KLF5: variants seen among roughly 807,000 people sequenced by gnomAD.
KLF5 encodes the protein Krueppel-like factor 5.
Under a neutral mutation model 36.9 loss-of-function variants are expected in KLF5, and 9 were observed. The observed-to-expected ratio is 0.24, with a 90% CI of 0.15 to 0.43. The LOEUF (loss-of-function observed/expected upper bound fraction) is 0.43, where lower values mean the gene tolerates loss of function less well. Among genes scored for constraint, KLF5 ranks in the 20% least tolerant of loss-of-function variants. KLF5 has a pLI of 1.00. For synonymous variants in KLF5, 246 were observed against 241.7 expected (o/e 1.02, Z -0.17); for missense variants, 524 against 599.5 (o/e 0.87, Z 1.31).
In KLF5 at chr13:73,075,818, G is replaced by C; in HGVS notation, c.1306G>C (p.Gly436Arg). The C allele has an allele frequency of 6.2e-7, 1 of 1,612,578 alleles. No homozygotes were observed. Among genetic ancestry groups the C allele is most frequent in the South Asian group, 1.1e-5 (1 of 91,050 alleles). The stretch of plus-strand genomic sequence containing the variant: ...CACAGGCGCCAAGCCCTTCCAGTGC[G>C]GGGTGTGCAACCGCAGCTTCTCGCG... ...KHTGAKPFQC[G>R]VCNRSFSRSD... Residue 436 changes from glycine (G) to arginine (R), a missense_variant, in exon 4 of 4, where the codon GGG becomes CGG. Gly to Arg is a moderately radical substitution (Grantham distance 125, BLOSUM62 -2). Transcript: ENST00000377687.
Position 73,059,295 on chromosome 13 carries a change from G to A in KLF5, c.-33G>A, listed in dbSNP as rs1446589751. 21 of 1,337,182 alleles carry A rather than the reference G, an allele frequency of 1.6e-5. No homozygotes were observed. The highest frequency in any genetic ancestry group is 1.4e-4 in the African/African-American group (9 of 65,296). The allele number at this position is 1,337,182 out of a possible 1,614,324, so 82.8% of individuals were successfully genotyped here. The stretch of plus-strand genomic sequence containing the variant: ...CGTGGGCGAGGTGGGAAGTGCGCCC[G>A]ACCCGCGCCTGGAGCTGCGCCCCCG... On this transcript the variant is annotated 5_prime_UTR_variant, in exon 1 of 4. Coordinates refer to ENST00000377687, the MANE Select transcript of KLF5 (RefSeq NM_001730.5).
At position 73,063,809 on chromosome 13, in the gene KLF5, TCTC is replaced by T. The variant is rs765489438; in HGVS notation, c.1136-12_1136-10del. 1 of 1,574,024 alleles carries T rather than the reference TCTC, an allele frequency of 6.4e-7. No homozygotes were observed. The highest frequency in any genetic ancestry group is 1.1e-5 in the South Asian group (1 of 89,838). On this transcript the variant is annotated splice_polypyrimidine_tract_variant and intron_variant, in intron 2 of 3. Coordinates refer to ENST00000377687, the MANE Select transcript of KLF5 (RefSeq NM_001730.5). Reference sequence around the variant, plus strand: ...AAGGATCTCCAAAATGACATGCTGTTCTCCTTTATTTTAGGTTGCACAAAAGTT... The same window carrying T: ...AAGGATCTCCAAAATGACATGCTGTTCTTTATTTTAGGTTGCACAAAAGTT...
intron 3 of KLF5, among the ~76,000 whole-genome samples, chr13:73,064,234 A>G (rs1200067793): frequency 6.6e-6 from 1 of 152,208 alleles, no homozygotes; most frequent in Non-Finnish European, 1.5e-5. Context: ...TTCCATAGCA[A>G]ATAATTTTGC....
chr13:73,057,482 C>T (rs1401863962), upstream of KLF5, among the ~76,000 whole-genome samples: 5 of 151,994 alleles, frequency 3.3e-5, no homozygotes, highest in Non-Finnish European at 7.4e-5. Flanking sequence ...TCTCTGAAGG[C>T]AGTGATCACA....
rs55829551 is a variant in KLF5, at chr13:73,065,035, C to G, written c.1195+1152C>G. Reference sequence around the variant, plus strand: ...ATAAAGTGATTGTGTTTTTTTCCCTCAATAAATACAGCCTTACCTAAAGTT... The same window carrying G: ...ATAAAGTGATTGTGTTTTTTTCCCTGAATAAATACAGCCTTACCTAAAGTT... On this transcript the variant is annotated intron_variant, in intron 3 of 3. Coordinates refer to ENST00000377687, the MANE Select transcript of KLF5 (RefSeq NM_001730.5). Among the ~76,000 whole-genome samples the G allele has an allele frequency of 3.9e-3, 587 of 152,174 alleles. 4 individuals carry two copies. The highest frequency in any genetic ancestry group is 0.013 in the African/African-American group (556 of 41,528).
At chr13:73,055,706 A>C (rs1566561369), upstream of KLF5, among the ~76,000 whole-genome samples, 2 of 152,210 alleles carry the variant, frequency 1.3e-5, no homozygotes, top group Admixed American at 6.5e-5. Context: ...ACTACCAAAA[A>C]GTCACTTTAA....
chr13:73,072,660 T>C (rs1476439363), intron 3 of KLF5, among the ~76,000 whole-genome samples: 2 of 152,222 alleles, frequency 1.3e-5, no homozygotes, highest in African/African-American at 4.8e-5. Flanking sequence ...CTTCTAACTC[T>C]ACGGGGTTAT....
intron 1 of KLF5, chr13:73,059,960 C>T (rs2044620472): frequency 4.5e-6 from 1 of 222,260 alleles, no homozygotes; most frequent in Admixed American, 6.5e-5. Flanking sequence ...GTACCGCTCT[C>T]CAATGCCAAG....
chr13:73,057,680 CT>C (rs894984953), upstream of KLF5, among the ~76,000 whole-genome samples: 2 of 152,020 alleles, frequency 1.3e-5, no homozygotes, highest in African/African-American at 4.8e-5. Flanking sequence ...TTATCCAAGA[CT>C]TTTTTTTAAA....
rs2044613211 is a variant in KLF5 at position 73,059,493 on chromosome 13, C to T, written c.166C>T (p.His56Tyr). The T allele has an allele frequency of 8.1e-7, 1 of 1,234,274 alleles. No individual in the cohort carries two copies. The highest frequency in any genetic ancestry group is 3.5e-5 in the South Asian group (1 of 28,284). The allele number at this position is 1,234,274 out of a possible 1,614,324, so 76.5% of individuals were successfully genotyped here. Residue 56 changes from histidine (H) to tyrosine (Y), a missense_variant, in exon 1 of 4, where the codon CAC becomes TAC. Coordinates refer to ENST00000377687, the MANE Select transcript of KLF5 (RefSeq NM_001730.5). ...CGGCGAGGAGCTGAAGCACGCGCACCACCGCCCGCAGGCGCAGCCCGCGCC... is the reference window on the plus strand; with the variant it reads ...CGGCGAGGAGCTGAAGCACGCGCACTACCGCCCGCAGGCGCAGCCCGCGCC... ...FPGEELKHAH[H>Y]RPQAQPAPAQ...
Position 73,059,507 on chromosome 13 carries a change from G to GCAGCCCGCGCCCGCGCAGGCC in KLF5, c.182_202dup (p.Gln61_Ala67dup), listed in dbSNP as rs2044613506. Reference sequence around the variant, plus strand: ...AGCACGCGCACCACCGCCCGCAGGCGCAGCCCGCGCCCGCGCAGGCCCCGC... The same window carrying GCAGCCCGCGCCCGCGCAGGCC: ...AGCACGCGCACCACCGCCCGCAGGCGCAGCCCGCGCCCGCGCAGGCCCAGCCCGCGCCCGCGCAGGCCCCGC... On this transcript the variant is annotated inframe_insertion, in exon 1 of 4. Transcript: ENST00000377687. 6 of 1,215,006 alleles carry GCAGCCCGCGCCCGCGCAGGCC rather than the reference G, an allele frequency of 4.9e-6. No homozygotes were observed. The highest frequency in any genetic ancestry group is 5.1e-6 in the Non-Finnish European group (5 of 980,154). The allele number at this position is 1,215,006 out of a possible 1,614,324, so 75.3% of individuals were successfully genotyped here.
rs924682610 is a variant in KLF5, at chr13:73,059,025, C to T, written c.-303C>T. ...TCAGTAGTCGCGGGGCAGGTACGTG[C>T]GCTCGCGGTTCTCTCGCGGAGGTCG... On this transcript the variant is annotated 5_prime_UTR_variant, in exon 1 of 4. Coordinates refer to ENST00000377687, the MANE Select transcript of KLF5 (RefSeq NM_001730.5). 5.6e-5 allele frequency: 15 copies of T among 268,456 alleles called. No individual in the cohort carries two copies. The highest frequency in any genetic ancestry group is 7.7e-5 in the Non-Finnish European group (11 of 142,306). The allele number at this position is 268,456 out of a possible 1,614,324, so 16.6% of individuals were successfully genotyped here. A position where few individuals can be genotyped will look rare whatever the true frequency, so the allele number is the denominator to read the frequency against.
At chr13:73,067,855 T>C (rs528672741) in intron 3 of KLF5, among the ~76,000 whole-genome samples, 3 of 152,084 alleles carry the variant, frequency 2.0e-5, no homozygotes, top group Admixed American at 2.0e-4. Flanking sequence ...TTTTTTTTTT[T>C]TTTGAGATGA....
intron 3 of KLF5, among the ~76,000 whole-genome samples, chr13:73,065,525 G>T (rs1009659592): frequency 1.3e-5 from 2 of 152,264 alleles, no homozygotes; most frequent in Admixed American, 1.3e-4. Flanking sequence ...TTACATAAGA[G>T]GAAGGATCCT....
In KLF5 at chr13:73,062,092, C is replaced by T. The variant is rs771293956; in HGVS notation, c.493C>T (p.Pro165Ser). 1.2e-6 allele frequency: 2 copies of T among 1,614,172 alleles called. No homozygotes were observed. The highest frequency in any genetic ancestry group is 2.2e-5 in the East Asian group (1 of 44,884). Residue 165 changes from proline (P) to serine (S), a missense_variant, in exon 2 of 4, where the codon CCT becomes TCT. Pro to Ser is a moderately conservative substitution (Grantham distance 74). Around this residue, in one of 4 missense-constraint regions of KLF5, gnomAD observed 454 missense variants for 458.1 expected, o/e 0.99. Transcript: ENST00000377687. Reference sequence around the variant, plus strand: ...GTGCGTAACACACATCAAGACAGAACCTGTTGCCATTTTCAGCCACCAGAG... The same window carrying T: ...GTGCGTAACACACATCAAGACAGAATCTGTTGCCATTTTCAGCCACCAGAG... The part of the protein sequence containing the change: ...RPCVTHIKTE[P>S]VAIFSHQSET...
At position 73,059,548 on chromosome 13, in the gene KLF5, C is replaced by T; in HGVS notation, c.221C>T (p.Pro74Leu). 8.5e-7 allele frequency: 1 copy of T among 1,173,772 alleles called. No homozygotes were observed. Among genetic ancestry groups the T allele is most frequent in the Non-Finnish European group, 1.0e-6 (1 of 954,664 alleles). The allele number at this position is 1,173,772 out of a possible 1,614,324, so 72.7% of individuals were successfully genotyped here. A position where few individuals can be genotyped will look rare whatever the true frequency, so the allele number is the denominator to read the frequency against. The change falls in exon 1 of 4, where the codon CCC becomes CTC. Residue 74 changes from proline (P) to leucine (L), a missense_variant. This residue lies in a region of KLF5 where 454 missense variants were observed against 458.1 expected (regional missense o/e 0.99). Transcript: ENST00000377687. ...PAQAPQPAQP[P>L]ATGPRLPPED... ...CAGGCCCCGCAGCCGGCCCAGCCGCCCGCCACCGGCCCGCGGCTGCCTCCA... is the reference window on the plus strand; with the variant it reads ...CAGGCCCCGCAGCCGGCCCAGCCGCTCGCCACCGGCCCGCGGCTGCCTCCA...
intron 3 of KLF5, among the ~76,000 whole-genome samples, chr13:73,074,674 G>A (rs1056208766): frequency 3.3e-5 from 5 of 152,272 alleles, no homozygotes; most frequent in Admixed American, 2.6e-4. Context: ...CAGCTGGCAA[G>A]CTTTGGGGAG....
At chr13:73,074,019 CAA>C (rs1566566911) in intron 3 of KLF5, among the ~76,000 whole-genome samples, 1 of 151,956 alleles carries the variant, frequency 6.6e-6, no homozygotes. Flanking sequence ...GGAATTAAAA[CAA>C]AAACTGTCTG....
At chr13:73,059,002 A>C (rs951988325), upstream of KLF5, 2 of 222,462 alleles carry the variant, frequency 9.0e-6, no homozygotes, top group African/African-American at 4.5e-5. Flanking sequence ...GTCAAGTGTC[A>C]GTAGTCGCGG....
Sources: gnomAD v4.1 joint callset for allele counts (sites outside exome capture counted in the v4.1 genomes callset) on GRCh38, gnomAD v4.1.1 for gene constraint, gnomAD v4.1.1 regional missense constraint, MANE v1.5 for transcripts, NCBI Gene and HGNC (gene_info 2026-07-23, HGNC 2026-07-21) for gene names.